The following FBXO9 variants were observed in gnomAD, a reference collection of about 807,000 sequenced individuals.
FBXO9 encodes F-box protein 9.
A neutral mutation model predicts 63.7 loss-of-function variants in FBXO9; 43 were observed. The ratio of observed to expected loss-of-function variants is 0.67; its 90% CI spans 0.53 to 0.87. The LOEUF (loss-of-function observed/expected upper bound fraction) is 0.87. Among genes scored for constraint, FBXO9 ranks in the 40% least tolerant of loss-of-function variants. The pLI, the probability that FBXO9 is intolerant of heterozygous loss-of-function variation, is 0.00. For synonymous variants in FBXO9, 156 were observed against 171.7 expected, an observed-to-expected ratio of 0.91 and a Z score of 0.72; for missense variants, 442 against 533.2, an observed-to-expected ratio of 0.83 and a Z score of 1.68.
At chr6:53,072,837 C>T (rs1768968816) in intron 2 of FBXO9, among the ~76,000 whole-genome samples, 1 of 151,916 alleles carries the variant, frequency 6.6e-6, no homozygotes, top group African/African-American at 2.4e-5. Context: ...TCTCATGGCT[C>T]AGCCTCCCAA....
intron 2 of FBXO9, 139 bp downstream of exon 2, chr6:53,071,282 C>T (rs1355014874): frequency 4.8e-5 from 37 of 772,082 alleles, no homozygotes; most frequent in Non-Finnish European, 7.0e-5. Flanking sequence ...TTATAGAATA[C>T]TTAAAACTAT....
intron 7 of FBXO9, among the ~76,000 whole-genome samples, chr6:53,089,139 A>G (rs1762976845): frequency 6.7e-6 from 1 of 150,236 alleles, no homozygotes; most frequent in African/African-American, 2.5e-5. Context: ...CAGTGGTGCC[A>G]TCTTGGCTCA....
intron 7 of FBXO9, among the ~76,000 whole-genome samples, chr6:53,087,341 C>CAAAAAAAAA (rs58776188): frequency 2.1e-5 from 1 of 48,420 alleles, no homozygotes; most frequent in African/African-American, 7.3e-5. Flanking sequence ...GATCCTATCT[C>CAAAAAAAAA]AAAAAAAAAA....
At chr6:53,082,673 G>A in intron 7 of FBXO9, 55 bp downstream of exon 7, 1 of 1,266,436 alleles carries the variant, frequency 7.9e-7, no homozygotes. Context: ...TGAAAAGAAA[G>A]ATGGTCCTTT....
intron 5 of FBXO9, among the ~76,000 whole-genome samples, chr6:53,079,168 A>G (rs1397556673): frequency 6.6e-6 from 1 of 152,236 alleles, no homozygotes; most frequent in East Asian, 1.9e-4. Context: ...AGTTACTGAA[A>G]GGAGTAAATT....
intron 9 of FBXO9, 186 bp from the exon 10 acceptor site, chr6:53,093,280 T>C: frequency 2.1e-6 from 1 of 475,558 alleles, no homozygotes; most frequent in Non-Finnish European, 3.7e-6. Context: ...AAAATATCTT[T>C]GGTTCTTTGT....
rs938204359 is a variant in FBXO9, at chr6:53,086,440, AT to A, written c.653+3832del. The stretch of plus-strand genomic sequence containing the variant: ...AGGCGTTATATTGATAAAACAATAA[AT>A]TTTTTTTTTAGGCCAGTTGCCAAAA... On this transcript the variant is annotated intron_variant, in intron 7 of 12. Transcript: ENST00000323557. Among the ~76,000 whole-genome samples, 46 of 150,754 alleles carry A rather than the reference AT, an allele frequency of 3.1e-4. 2 individuals are homozygous for A. The East Asian group carries it at 6.0e-3, about 20-fold the overall frequency.
Position 53,078,827 on chromosome 6 carries a change from A to G in FBXO9, c.336A>G (p.Gln112=), listed in dbSNP as rs747424323. 2 of 1,613,744 alleles carry G rather than the reference A, an allele frequency of 1.2e-6. No individual in the cohort carries two copies. The highest frequency in any genetic ancestry group is 1.7e-6 in the Non-Finnish European group (2 of 1,179,674). ...EAIKFYRRAM[Q]LVPDIEFKIT... ...TCAAGTTTTATCGTAGGGCTATGCA[A>G]CTTGTACCTGATATAGAGTTCAAGA... Residue 112 remains glutamine (Q), a synonymous_variant, in exon 5 of 13, where the codon CAA becomes CAG. Transcript: ENST00000323557.
chr6:53,070,873 C>A, intron 1 of FBXO9, 184 bp from the exon 2 acceptor site: 3 of 899,088 alleles, frequency 3.3e-6, no homozygotes, highest in Non-Finnish European at 4.8e-6. Context: ...TTTTCAGACT[C>A]ATTTTCCTTT....
rs1011178872 is a variant in FBXO9 at position 53,077,422 on chromosome 6, G to A, written c.307+879G>A. Among the ~76,000 whole-genome samples, 3 of 128,980 alleles carry A rather than the reference G, an allele frequency of 2.3e-5. No homozygotes were observed. The Admixed American group carries it at 2.8e-4, about 12-fold the overall frequency. The allele number at this position is 128,980 out of a possible 152,430, so 84.6% of individuals were successfully genotyped here. ...CGGGAGGCGGAGCTTGCAGTGAGCCGAGATCCCGCCACTGCACTCCAGCCT... is the reference window on the plus strand; with the variant it reads ...CGGGAGGCGGAGCTTGCAGTGAGCCAAGATCCCGCCACTGCACTCCAGCCT... On this transcript the variant is annotated intron_variant, in intron 4 of 12. Transcript: ENST00000323557.
At chr6:53,070,886 A>G (rs922411232) in intron 1 of FBXO9, 171 bp from the exon 2 acceptor site, 12 of 1,020,504 alleles carry the variant, frequency 1.2e-5, no homozygotes, top group African/African-American at 1.6e-5. Context: ...TTTCCTTTGG[A>G]AATTAATAGT....
chr6:53,081,501 G>A (rs1480183195), intron 6 of FBXO9, among the ~76,000 whole-genome samples: 1 of 152,176 alleles, frequency 6.6e-6, no homozygotes, highest in Admixed American at 6.5e-5. Context: ...TCGAACTCCT[G>A]ACTTCATGAT....
intron 4 of FBXO9, among the ~76,000 whole-genome samples, chr6:53,077,641 C>T (rs973342314): frequency 4.6e-5 from 7 of 152,122 alleles, no homozygotes; most frequent in Non-Finnish European, 7.4e-5. Context: ...ATAATTGATG[C>T]ATAGGAAAAA....
At chr6:53,065,888 G>GGGGAA in intron 1 of FBXO9, 96 bp downstream of exon 1, 1 of 1,229,686 alleles carries the variant, frequency 8.1e-7, no homozygotes, top group Non-Finnish European at 1.0e-6. Context: ...CGGGGACTCT[G>GGGGAA]GGGAGGAGTG....
chr6:53,075,663 C>G (rs922183542), intron 3 of FBXO9, among the ~76,000 whole-genome samples: 1 of 145,292 alleles, frequency 6.9e-6, no homozygotes, highest in African/African-American at 2.5e-5. Flanking sequence ...TATTTTTCAT[C>G]TATTAATATA....
intron 12 of FBXO9, 38 bp downstream of exon 12, chr6:53,095,702 A>G (rs1763192582): frequency 7.8e-6 from 12 of 1,533,124 alleles, no homozygotes; most frequent in Non-Finnish European, 1.1e-5. Context: ...GTTACACTAT[A>G]AATGTATACT....
intron 7 of FBXO9, among the ~76,000 whole-genome samples, chr6:53,087,562 T>G (rs943420256): frequency 6.6e-6 from 1 of 152,088 alleles, no homozygotes; most frequent in Non-Finnish European, 1.5e-5. Flanking sequence ...ACAGCAAAAG[T>G]TGAACTTCTG....
In FBXO9 at chr6:53,071,098, A is replaced by G. The variant is rs751616684; in HGVS notation, c.45A>G (p.Ala15=). The change falls in exon 2 of 13, where the codon GCA becomes GCG. Residue 15 remains alanine, a synonymous_variant. Coordinates refer to ENST00000323557, the MANE Select transcript of FBXO9 (RefSeq NM_033480.3). Reference sequence around the variant, plus strand: ...ATTGTCATTCTGATACTGTCAGAGCAGATGATGATGAAGAAAATGAAAGTC... The same window carrying G: ...ATTGTCATTCTGATACTGTCAGAGCGGATGATGATGAAGAAAATGAAAGTC... ...EEDCHSDTVR[A]DDDEENESPA... The G allele has an allele frequency of 1.8e-5, 28 of 1,573,834 alleles. No individual in the cohort carries two copies. The highest frequency in any genetic ancestry group is 2.4e-5 in the Non-Finnish European group (28 of 1,157,572).
At chr6:53,085,409 T>C (rs1212564928) in intron 7 of FBXO9, among the ~76,000 whole-genome samples, 4 of 152,166 alleles carry the variant, frequency 2.6e-5, no homozygotes, top group African/African-American at 9.7e-5. Context: ...TTCAAAATAA[T>C]AATTGTGATG....
Sources: gnomAD v4.1 joint callset for allele counts (sites outside exome capture counted in the v4.1 genomes callset) on GRCh38, gnomAD v4.1.1 for gene constraint, MANE v1.5 for transcripts, NCBI Gene and HGNC (gene_info 2026-07-23, HGNC 2026-07-21) for gene names.